ANO4: variants seen among roughly 807,000 people sequenced by gnomAD.
The protein encoded by ANO4 is anoctamin-4.
In ANO4, 69 loss-of-function variants were observed where a neutral mutation model predicts 141.9. The observed-to-expected ratio is 0.49, with a 90% CI of 0.40 to 0.59. The LOEUF is 0.59. Among genes scored for constraint, ANO4 ranks in the 20% least tolerant of loss-of-function variants. The probability of loss-of-function intolerance (pLI) is 0.00; values close to 1 mark genes in which losing one functional copy is unlikely to be tolerated. For synonymous variants in ANO4, 350 were observed against 394.3 expected (o/e 0.89, Z 1.33); for missense variants, 894 against 1,162.2 (o/e 0.77, Z 3.36).
chr12:101,106,838 C>A (rs866816904), intron 22 of ANO4, among the ~76,000 whole-genome samples: 16 of 150,502 alleles, frequency 1.1e-4, no homozygotes, highest in Middle Eastern at 3.5e-3. Context: ...AAAGTTTTTT[C>A]CCAAAGAATT....
chr12:100,780,120 C>T (rs1008813565), intron 3 of ANO4, among the ~76,000 whole-genome samples: 1 of 152,050 alleles, frequency 6.6e-6, no homozygotes, highest in African/African-American at 2.4e-5. Flanking sequence ...AAATCCTGGA[C>T]TAATGCAATC....
At chr12:100,791,988 CAGAA>C (rs1000131318), upstream of ANO4, among the ~76,000 whole-genome samples, 4 of 151,788 alleles carry the variant, frequency 2.6e-5, no homozygotes, top group African/African-American at 9.7e-5. Flanking sequence ...CATTAATTGG[CAGAA>C]AGTTATTTAA....
chr12:101,065,870 T>C (rs1238609049), intron 14 of ANO4, among the ~76,000 whole-genome samples: 1 of 152,092 alleles, frequency 6.6e-6, no homozygotes, highest in Non-Finnish European at 1.5e-5. Flanking sequence ...CAACAAAATA[T>C]TGGCAATCAA....
chr12:100,799,981 T>C (rs2034582421), intron 1 of ANO4, among the ~76,000 whole-genome samples: 1 of 152,140 alleles, frequency 6.6e-6, no homozygotes, highest in South Asian at 2.1e-4. Context: ...GTGGCATCTG[T>C]CTCACTGGTG....
chr12:100,868,835 G>T (rs1176011849), intron 1 of ANO4, among the ~76,000 whole-genome samples: 1 of 152,234 alleles, frequency 6.6e-6, no homozygotes, highest in Non-Finnish European at 1.5e-5. Context: ...GGCTTTGTGA[G>T]CCAAGAGGCA....
At chr12:100,797,071 T>C (rs1319316102) in intron 1 of ANO4, among the ~76,000 whole-genome samples, 1 of 152,098 alleles carries the variant, frequency 6.6e-6, no homozygotes, top group East Asian at 1.9e-4. Flanking sequence ...CTAAACAGAT[T>C]GTGTACCTAT....
intron 4 of ANO4, 135 bp downstream of exon 4, chr12:100,939,586 T>TCTG: frequency 1.1e-6 from 1 of 944,724 alleles, no homozygotes; most frequent in Non-Finnish European, 1.5e-6. Context: ...AGGTTTTATA[T>TCTG]TCCTTTGACA....
At chr12:100,995,362 G>T (rs182487383) in intron 8 of ANO4, among the ~76,000 whole-genome samples, 2 of 152,226 alleles carry the variant, frequency 1.3e-5, no homozygotes, top group African/African-American at 2.4e-5. Flanking sequence ...TGTGGCTGGA[G>T]CAGAAATACC....
intron 15 of ANO4, among the ~76,000 whole-genome samples, chr12:101,082,245 G>A (rs1267576118): frequency 1.3e-5 from 2 of 152,120 alleles, no homozygotes; most frequent in African/African-American, 4.8e-5. Context: ...CCTGCACATG[G>A]TCTCTCTTGC....
Position 100,854,225 on chromosome 12 carries a change from T to A in ANO4, c.-140-47421T>A, listed in dbSNP as rs527478366. 2.0e-5 allele frequency among the ~76,000 whole-genome samples: 3 copies of A among 152,320 alleles called. 1 individual carries two copies. The highest frequency in any genetic ancestry group is 7.2e-5 in the African/African-American group (3 of 41,590). Reference sequence around the variant, plus strand: ...TTGGATGTCCTTAGGAGATATTTTTTCATCGCTTTCTGTCATCTTCTGTAG... The same window carrying A: ...TTGGATGTCCTTAGGAGATATTTTTACATCGCTTTCTGTCATCTTCTGTAG... On this transcript the variant is annotated intron_variant, in intron 1 of 27. Coordinates refer to ENST00000392977, the MANE Select transcript of ANO4 (RefSeq NM_001286615.2).
At position 100,974,877 on chromosome 12, in the gene ANO4, A is replaced by G; in HGVS notation, c.590A>G (p.Lys197Arg). ...ATCTATTACCTGCCCCGCCGTTACA[A>G]GTTCATGAGCAGGTTAGTAGCACGC... ...RKIYYLPRRY[K>R]FMSRIDKQIS... The change falls in exon 7 of 28, where the codon AAG (lysine) becomes AGG (arginine). Residue 197 changes from lysine to arginine, a missense_variant. Lys to Arg is a conservative substitution (Grantham distance 26, BLOSUM62 2). This residue lies in a region of ANO4 where 257 missense variants were observed against 253.0 expected (regional missense o/e 1.02). Coordinates refer to ENST00000392977, the MANE Select transcript of ANO4 (RefSeq NM_001286615.2). 5.0e-6 allele frequency: 8 copies of G among 1,614,076 alleles called. No homozygotes were observed. The highest frequency in any genetic ancestry group is 6.8e-6 in the Non-Finnish European group (8 of 1,179,994).
At chr12:101,034,895 A>G (rs1360782526) in intron 9 of ANO4, among the ~76,000 whole-genome samples, 1 of 152,226 alleles carries the variant, frequency 6.6e-6, no homozygotes, top group Non-Finnish European at 1.5e-5. Flanking sequence ...CTAAAATTTA[A>G]AAGACTGACC....
chr12:100,992,242 T>C (rs2045161025), intron 8 of ANO4, among the ~76,000 whole-genome samples: 1 of 152,232 alleles, frequency 6.6e-6, no homozygotes, highest in Admixed American at 6.5e-5. Flanking sequence ...TTAAAAACTT[T>C]AGACACCAAA....
chr12:100,769,662 T>C (rs2033217710), intron 3 of ANO4, among the ~76,000 whole-genome samples: 1 of 152,242 alleles, frequency 6.6e-6, no homozygotes, highest in Non-Finnish European at 1.5e-5. Flanking sequence ...GTCAGTTCTT[T>C]GGACATAGTT....
At chr12:100,897,274 T>TTGG (rs1161552686) in intron 1 of ANO4, among the ~76,000 whole-genome samples, 2 of 152,054 alleles carry the variant, frequency 1.3e-5, no homozygotes, top group African/African-American at 4.8e-5. Context: ...CTCAGCTGAG[T>TTGG]TGGAGAGGAG....
At chr12:100,955,287 G>C (rs545176860) in intron 5 of ANO4, among the ~76,000 whole-genome samples, 6 of 152,350 alleles carry the variant, frequency 3.9e-5, no homozygotes, top group Non-Finnish European at 5.9e-5. Flanking sequence ...AGTCGGAGCA[G>C]CACTACTAGT....
At chr12:100,875,262 G>A (rs916628738) in intron 1 of ANO4, among the ~76,000 whole-genome samples, 2 of 152,162 alleles carry the variant, frequency 1.3e-5, no homozygotes, top group East Asian at 3.9e-4. Context: ...TCTTGTGATA[G>A]TGAGTGAGTT....
chr12:100,749,067 G>A (rs1370479592), intron 3 of ANO4, among the ~76,000 whole-genome samples: 1 of 152,136 alleles, frequency 6.6e-6, no homozygotes, highest in Non-Finnish European at 1.5e-5. Flanking sequence ...GGAAGGGAAG[G>A]CAAATTTGAG....
chr12:100,917,544 ATC>A (rs1317261164), intron 2 of ANO4, among the ~76,000 whole-genome samples: 1 of 152,218 alleles, frequency 6.6e-6, no homozygotes, highest in African/African-American at 2.4e-5. Flanking sequence ...AAGTCATTTA[ATC>A]TCTCTCACTT....
Sources: allele counts gnomAD v4.1 joint callset (sites outside exome capture counted in the v4.1 genomes callset), GRCh38; gene constraint gnomAD v4.1.1; regional missense constraint gnomAD v4.1.1; transcripts MANE v1.5; gene names NCBI Gene and HGNC (gene_info 2026-07-23, HGNC 2026-07-21).